TSPAN15: variants seen among roughly 807,000 people sequenced by gnomAD.
TSPAN15 encodes the protein tetraspanin-15.
A neutral mutation model predicts 34.5 loss-of-function variants in TSPAN15; 20 were observed. The ratio of observed to expected loss-of-function variants is 0.58; its 90% CI spans 0.41 to 0.84. The LOEUF (loss-of-function observed/expected upper bound fraction) is 0.84, where lower values mean the gene tolerates loss of function less well. Ranked by LOEUF, TSPAN15 falls within the 40% of genes least tolerant of loss-of-function variation. The pLI, the probability that TSPAN15 is intolerant of heterozygous loss-of-function variation, is 0.00. For synonymous variants in TSPAN15, 155 were observed against 153.9 expected (o/e 1.01, Z -0.05); for missense variants, 313 against 386.1 (o/e 0.81, Z 1.59).
chr10:69,527,170 C>T, the TSPAN15 span, among the ~76,000 whole-genome samples: 1 of 148,180 alleles, frequency 6.7e-6, no homozygotes. Flanking sequence ...CTAATACATA[C>T]TACAGCACTG....
At chr10:69,459,180 T>A (rs528961292) in intron 1 of TSPAN15, among the ~76,000 whole-genome samples, 1 of 146,542 alleles carries the variant, frequency 6.8e-6, no homozygotes. Context: ...TGGGTTTGAA[T>A]TGACTTCTTG....
At chr10:69,474,097 C>A (rs1187018860) in intron 1 of TSPAN15, among the ~76,000 whole-genome samples, 2 of 152,180 alleles carry the variant, frequency 1.3e-5, no homozygotes. Context: ...GCCGGCAGTT[C>A]TGACTGAGCC....
intron 3 of TSPAN15, chr10:69,494,782 G>A (rs975014637): frequency 2.0e-6 from 2 of 985,416 alleles, no homozygotes; most frequent in Middle Eastern, 5.2e-4. Flanking sequence ...AGTCTCTGCT[G>A]ATACTCGACC....
At chr10:69,472,370 C>T (rs1259481851) in intron 1 of TSPAN15, among the ~76,000 whole-genome samples, 1 of 152,200 alleles carries the variant, frequency 6.6e-6, no homozygotes, top group African/African-American at 2.4e-5. Context: ...CCTGATCTTG[C>T]CTTTCTGATT....
At position 69,464,153 on chromosome 10, in the gene TSPAN15, G is replaced by C. The variant is rs149670406; in HGVS notation, c.96+12463G>C. On this transcript the variant is annotated intron_variant, in intron 1 of 7. Coordinates refer to ENST00000373290, the MANE Select transcript of TSPAN15 (RefSeq NM_012339.5). ...GCTTCTCCCCTAGAGCCTCCGGAGA[G>C]AGTATGGCTCACCAGACACCTTGGC... Among the ~76,000 whole-genome samples the C allele has an allele frequency of 2.3e-3, 348 of 152,380 alleles. 3 individuals carry two copies. The highest frequency in any genetic ancestry group is 8.0e-3 in the African/African-American group (333 of 41,604).
intron 1 of TSPAN15, among the ~76,000 whole-genome samples, chr10:69,467,588 T>C (rs1841411793): frequency 6.6e-6 from 1 of 151,584 alleles, no homozygotes; most frequent in Non-Finnish European, 1.5e-5. Context: ...TAGTCCAGCC[T>C]GGGCAATAGG....
At chr10:69,494,566 T>G (rs1182062245) in intron 3 of TSPAN15, 28 of 915,460 alleles carry the variant, frequency 3.1e-5, no homozygotes, top group Non-Finnish European at 3.5e-5. Flanking sequence ...GACTTGGTTT[T>G]TGATTCTCAG....
At chr10:69,485,065 G>A (rs1841821909) in intron 2 of TSPAN15, 76 bp from the exon 3 acceptor site, 1 of 1,375,862 alleles carries the variant, frequency 7.3e-7, no homozygotes, top group Middle Eastern at 1.8e-4. Flanking sequence ...TGCTCTTGGA[G>A]CAGATGGTGC....
At chr10:69,451,725 G>A in intron 1 of TSPAN15, 35 bp downstream of exon 1, 1 of 1,404,262 alleles carries the variant, frequency 7.1e-7, no homozygotes, top group Non-Finnish European at 9.4e-7. Flanking sequence ...GGATGGGGGT[G>A]GGGACCCACA....
chr10:69,489,995 G>A (rs1027867967), intron 3 of TSPAN15, among the ~76,000 whole-genome samples: 3 of 152,204 alleles, frequency 2.0e-5, no homozygotes, highest in African/African-American at 7.2e-5. Context: ...TTCCAGCCAG[G>A]TGCAGCTGAG....
intron 1 of TSPAN15, among the ~76,000 whole-genome samples, chr10:69,460,648 C>T (rs2133065778): frequency 6.6e-6 from 1 of 152,228 alleles, no homozygotes; most frequent in African/African-American, 2.4e-5. Flanking sequence ...GTGGCCTGAC[C>T]ACCACATTTT....
chr10:69,531,809 A>G, the TSPAN15 span, among the ~76,000 whole-genome samples: 2 of 152,190 alleles, frequency 1.3e-5, no homozygotes, highest in African/African-American at 4.8e-5. Flanking sequence ...ATCCAGCATC[A>G]CTTTACAATT....
intron 1 of TSPAN15, among the ~76,000 whole-genome samples, chr10:69,471,641 C>G (rs1452664928): frequency 6.7e-6 from 1 of 149,570 alleles, no homozygotes; most frequent in African/African-American, 2.5e-5. Flanking sequence ...GGTACCCAGG[C>G]TGGAGTGCAG....
the TSPAN15 span, among the ~76,000 whole-genome samples, chr10:69,541,623 C>T: frequency 0.1 from 15,527 of 152,286 alleles, 1,222 homozygotes; most frequent in East Asian, 0.42. Context: ...CTGAGGGCTC[C>T]GCCCCTGCAG....
chr10:69,487,473 T>G (rs1841878636), intron 3 of TSPAN15, among the ~76,000 whole-genome samples: 1 of 151,868 alleles, frequency 6.6e-6, no homozygotes, highest in Non-Finnish European at 1.5e-5. Context: ...GGAGAGATCT[T>G]TATTCCATTT....
At chr10:69,481,620 C>T (rs1841736662) in intron 1 of TSPAN15, among the ~76,000 whole-genome samples, 1 of 152,216 alleles carries the variant, frequency 6.6e-6, no homozygotes, top group South Asian at 2.1e-4. Context: ...AAGGCTCAGG[C>T]AGCCCTGTGA....
intron 1 of TSPAN15, among the ~76,000 whole-genome samples, chr10:69,465,611 G>A (rs997222269): frequency 1.3e-5 from 2 of 152,166 alleles, no homozygotes; most frequent in African/African-American, 2.4e-5. Context: ...AAGAGACAGC[G>A]CTGCTCTTGC....
downstream of TSPAN15, among the ~76,000 whole-genome samples, chr10:69,508,297 C>T (rs1039468434): frequency 1.6e-4 from 24 of 151,768 alleles, no homozygotes; most frequent in African/African-American, 2.9e-4. Context: ...AAAAATTAGC[C>T]GGGCATGGTG....
At chr10:69,462,534 A>T (rs1841292346) in intron 1 of TSPAN15, among the ~76,000 whole-genome samples, 1 of 150,958 alleles carries the variant, frequency 6.6e-6, no homozygotes. Context: ...ACAGGGTTTC[A>T]CCATGTTAGC....
Sources: allele counts gnomAD v4.1 joint callset (sites outside exome capture counted in the v4.1 genomes callset), GRCh38; gene constraint gnomAD v4.1.1; transcripts MANE v1.5; gene names NCBI Gene and HGNC (gene_info 2026-07-23, HGNC 2026-07-21).